Variants in ADGRL2 observed in about 807,000 individuals in gnomAD.
ADGRL2 encodes the protein adhesion G protein-coupled receptor L2.
In ADGRL2, 44 loss-of-function variants were observed where a neutral mutation model predicts 157.4. The observed-to-expected ratio is 0.28, with a 90% CI of 0.22 to 0.36. The LOEUF (loss-of-function observed/expected upper bound fraction) is 0.36. Ranked by LOEUF, ADGRL2 falls within the 10% of genes least tolerant of loss-of-function variation. The pLI is 1.00. For missense variants in ADGRL2, 1,510 were observed against 1,768.9 expected (o/e 0.85, Z 2.63); for synonymous variants, 585 against 624.7 (o/e 0.94, Z 0.95).
At chr1:81,616,464 A>C (rs1178404693) in intron 3 of ADGRL2, among the ~76,000 whole-genome samples, 1 of 152,128 alleles carries the variant, frequency 6.6e-6, no homozygotes, top group Non-Finnish European at 1.5e-5. Context: ...CTGAGCCTTC[A>C]CATTCAACTC....
At chr1:81,394,235 T>G (rs2076612303) in intron 1 of ADGRL2, among the ~76,000 whole-genome samples, 1 of 152,264 alleles carries the variant, frequency 6.6e-6, no homozygotes, top group Non-Finnish European at 1.5e-5. Flanking sequence ...TCTTATCCAC[T>G]CTTCTATTTG....
chr1:81,753,740 T>C (rs569741236), intron 1 of ADGRL2, among the ~76,000 whole-genome samples: 1 of 152,310 alleles, frequency 6.6e-6, no homozygotes, highest in African/African-American at 2.4e-5. Context: ...TAAACAAATA[T>C]TCTATTTGGT....
At chr1:81,877,031 A>G (rs2093858163) in intron 2 of ADGRL2, among the ~76,000 whole-genome samples, 1 of 152,098 alleles carries the variant, frequency 6.6e-6, no homozygotes, top group Non-Finnish European at 1.5e-5. Flanking sequence ...CTCATTCTAC[A>G]ATATTGAGCC....
intron 2 of ADGRL2, among the ~76,000 whole-genome samples, chr1:81,580,653 T>C (rs947011517): frequency 3.3e-5 from 5 of 152,190 alleles, no homozygotes; most frequent in Middle Eastern, 3.2e-3. Flanking sequence ...CCTTGATGAT[T>C]ATGTTATCCA....
chr1:81,959,466 A>G (rs769467110), intron 11 of ADGRL2, among the ~76,000 whole-genome samples: 5 of 152,078 alleles, frequency 3.3e-5, no homozygotes, highest in Non-Finnish European at 7.4e-5. Flanking sequence ...TATTTTCTTT[A>G]TATCTTGGGA....
intron 11 of ADGRL2, among the ~76,000 whole-genome samples, chr1:81,957,180 T>C (rs973403818): frequency 5.5e-5 from 5 of 91,674 alleles, no homozygotes; most frequent in Non-Finnish European, 1.1e-4. Flanking sequence ...ATTCTGAAAA[T>C]TATTAAAAAA....
Position 81,502,207 on chromosome 1 carries a change from AG to A in ADGRL2, c.-248+57119del, listed in dbSNP as rs993350570. 3.2e-5 allele frequency: 51 copies of A among 1,600,250 alleles called. No individual in the cohort carries two copies. In the African/African-American group the frequency reaches 6.1e-4, roughly 19 times the overall value. On this transcript the variant is annotated intron_variant, in intron 2 of 24. Coordinates refer to the ADGRL2 transcript ENST00000370721. Reference sequence around the variant, plus strand: ...TGGCACCCATGTCCAATCTACTTCCAGCACCAGGGCTCCCACCACATGGACA... The same window carrying A: ...TGGCACCCATGTCCAATCTACTTCCACACCAGGGCTCCCACCACATGGACA...
At chr1:81,422,818 C>T (rs1421585399) in intron 1 of ADGRL2, among the ~76,000 whole-genome samples, 4 of 152,282 alleles carry the variant, frequency 2.6e-5, no homozygotes, top group African/African-American at 9.6e-5. Flanking sequence ...AAGTACTTAT[C>T]ATAATGCCTG....
chr1:81,447,422 T>C (rs1053740923), intron 2 of ADGRL2, among the ~76,000 whole-genome samples: 2 of 152,214 alleles, frequency 1.3e-5, no homozygotes, highest in African/African-American at 4.8e-5. Context: ...GGCATCTTTG[T>C]GATATAAATA....
At chr1:81,554,048 C>A (rs139861016) in intron 2 of ADGRL2, among the ~76,000 whole-genome samples, 41 of 152,276 alleles carry the variant, frequency 2.7e-4, no homozygotes, top group African/African-American at 9.6e-4. Context: ...ATTCCTCCTG[C>A]CTTCTAATAA....
intron 2 of ADGRL2, among the ~76,000 whole-genome samples, chr1:81,538,969 T>C (rs2079813026): frequency 1.4e-5 from 2 of 146,648 alleles, no homozygotes; most frequent in African/African-American, 2.6e-5. Flanking sequence ...GATCGCACCA[T>C]TGGGCTCCAG....
In ADGRL2 at chr1:81,907,250, T is replaced by C; in HGVS notation, c.287+20T>C. The C allele has an allele frequency of 6.3e-7, 1 of 1,588,668 alleles. No homozygotes were observed. The highest frequency in any genetic ancestry group is 8.6e-7 in the Non-Finnish European group (1 of 1,156,844). On this transcript the variant is annotated intron_variant, in intron 3 of 23. Transcript: ENST00000686636. ...TCAAAGGTAAATATTCATGTGTTAA[T>C]GTCCCATTTGAGCTATTGTATCCAA...
chr1:81,872,637 A>G (rs2093728707), intron 2 of ADGRL2, among the ~76,000 whole-genome samples: 1 of 152,034 alleles, frequency 6.6e-6, no homozygotes, highest in Non-Finnish European at 1.5e-5. Context: ...TGTAATACTC[A>G]CATGTCAGAC....
At chr1:81,939,184 T>C (rs1305512377) in intron 4 of ADGRL2, among the ~76,000 whole-genome samples, 1 of 151,662 alleles carries the variant, frequency 6.6e-6, no homozygotes, top group Non-Finnish European at 1.5e-5. Flanking sequence ...GAAATGCTGT[T>C]ACTTTGTTTA....
intron 2 of ADGRL2, among the ~76,000 whole-genome samples, chr1:81,891,887 A>G (rs780324417): frequency 4.6e-5 from 7 of 152,156 alleles, no homozygotes; most frequent in East Asian, 1.9e-4. Flanking sequence ...GAAATTATTA[A>G]CGCATTTATG....
intron 3 of ADGRL2, among the ~76,000 whole-genome samples, chr1:81,620,718 T>C (rs553777818): frequency 6.6e-6 from 1 of 152,194 alleles, no homozygotes; most frequent in East Asian, 1.9e-4. Context: ...AAAGGAACAG[T>C]TTAGTTGAGG....
intron 1 of ADGRL2, among the ~76,000 whole-genome samples, chr1:81,706,808 G>C (rs563854387): frequency 7.2e-5 from 11 of 152,242 alleles, no homozygotes; most frequent in African/African-American, 2.6e-4. Flanking sequence ...AAGGAAGATG[G>C]AATATGAGAA....
chr1:81,537,428 C>T (rs2079767673), intron 2 of ADGRL2, among the ~76,000 whole-genome samples: 1 of 151,412 alleles, frequency 6.6e-6, no homozygotes, highest in Non-Finnish European at 1.5e-5. Flanking sequence ...GGATTACAGG[C>T]ATGCACCACC....
chr1:81,571,433 G>A (rs983096454), intron 2 of ADGRL2, among the ~76,000 whole-genome samples: 1 of 147,876 alleles, frequency 6.8e-6, no homozygotes, highest in Non-Finnish European at 1.5e-5. Flanking sequence ...ATGTGTGTGT[G>A]TGTATATATA....
Sources: allele counts gnomAD v4.1 joint callset (sites outside exome capture counted in the v4.1 genomes callset), GRCh38; gene constraint gnomAD v4.1.1; transcripts MANE v1.5; gene names NCBI Gene and HGNC (gene_info 2026-07-23, HGNC 2026-07-21).